The following DHRS13 variants were observed in gnomAD, a reference collection of about 807,000 sequenced individuals.
The protein encoded by DHRS13 is dehydrogenase/reductase 13.
A neutral mutation model predicts 17.9 loss-of-function variants in DHRS13; 22 were observed. The observed-to-expected ratio is 1.23, with a 90% CI of 0.88 to 1.75. The LOEUF is 1.75. Among genes scored for constraint, DHRS13 ranks in the 40% most tolerant of loss-of-function variants. The pLI, the probability that DHRS13 is intolerant of heterozygous loss-of-function variation, is 0.00. For missense variants in DHRS13, 483 were observed against 519.9 expected (o/e 0.93, Z 0.69); for synonymous variants, 206 against 220.4 (o/e 0.93, Z 0.58).
In DHRS13 at chr17:28,902,718, G is replaced by A; in HGVS notation, c.128-17C>T. On this transcript the variant is annotated splice_polypyrimidine_tract_variant and intron_variant, in intron 1 of 4. Coordinates refer to ENST00000378895, the MANE Select transcript of DHRS13 (RefSeq NM_144683.4). The surrounding 1 kb of genome is among the most constrained non-coding windows in gnomAD (Gnocchi z 4.0). ...TGTTGGCGCCTGCGGACCGCGGGCG[G>A]GAGCCGAGCTGAGCTGAGCCCGGCG... is the stretch of plus-strand genomic sequence containing the variant. 1 of 1,354,372 alleles carries A rather than the reference G, an allele frequency of 7.4e-7. No individual in the cohort carries two copies. The highest frequency in any genetic ancestry group is 9.4e-7 in the Non-Finnish European group (1 of 1,061,954). The allele number at this position is 1,354,372 out of a possible 1,614,324, so 83.9% of individuals were successfully genotyped here.
At position 28,898,819 on chromosome 17, in the gene DHRS13, C is replaced by T. The variant is rs774938454; in HGVS notation, c.756G>A (p.Trp252Ter). The change falls in exon 5 of 5, where the codon TGG (tryptophan) becomes TGA (stop). Residue 252 changes from tryptophan (W) to a stop codon, truncating the protein, a stop_gained. Transcript: ENST00000378895. LOFTEE classifies it high-confidence loss of function. ...CCCCTCTTGGTGCCCGGAGCACCAG[C>T]CAAGCCAATGGGCGCAAAAGTGGGC... Reference protein sequence around the residue: ...WLRPLLRPLAWLVLRAPRGGA... With the variant: ...WLRPLLRPLA The T allele has an allele frequency of 1.2e-6, 2 of 1,609,736 alleles. No homozygotes were observed. Among genetic ancestry groups the T allele is most frequent in the South Asian group, 2.2e-5 (2 of 90,462 alleles).
In DHRS13 at chr17:28,898,561, G is replaced by T; in HGVS notation, c.1014C>A (p.Thr338=). The T allele has an allele frequency of 6.2e-7, 1 of 1,612,182 alleles. No homozygotes were observed. Among genetic ancestry groups the T allele is most frequent in the Non-Finnish European group, 8.5e-7 (1 of 1,179,358 alleles). The change falls in exon 5 of 5, where the codon ACC becomes ACA. Residue 338 remains threonine, a synonymous_variant. Coordinates refer to ENST00000378895, the MANE Select transcript of DHRS13 (RefSeq NM_144683.4). ...EDSEAPSSLS[T]PHPEEPTVSQ... ...AAACTGTGGGCTCCTCAGGGTGGGGGGTGCTTAGAGAAGATGGGGCCTCTG... is the reference window on the plus strand; with the variant it reads ...AAACTGTGGGCTCCTCAGGGTGGGGTGTGCTTAGAGAAGATGGGGCCTCTG...
chr17:28,901,436 G>A lies in DHRS13; in HGVS notation c.370+57C>T. On this transcript the variant is annotated intron_variant, in intron 3 of 4. Transcript: ENST00000378895. This position sits in a 1 kb window ranked among gnomAD's most constrained non-coding sequence, Gnocchi z 4.3. ...CCCAGCAGGGCCCCCGCTGGAGGGG[G>A]CAGTTGCCCCTGGCCACCCGCCACC... 1 of 1,609,990 alleles carries A rather than the reference G, an allele frequency of 6.2e-7. No homozygotes were observed. Among genetic ancestry groups the A allele is most frequent in the Non-Finnish European group, 8.5e-7 (1 of 1,178,438 alleles).
chr17:28,898,717 A>C lies in DHRS13; in HGVS notation c.858T>G (p.His286Gln). The change falls in exon 5 of 5, where the codon CAT becomes CAG. Residue 286 changes from histidine to glutamine, a missense_variant. Coordinates refer to ENST00000378895, the MANE Select transcript of DHRS13 (RefSeq NM_144683.4). Reference protein sequence around the residue: ...PLSGRYFANCHVEEVPPAARD... With the variant: ...PLSGRYFANCQVEEVPPAARD... ...GGGCAGCTGGAGGCACCTCTTCCAC[A>C]TGGCAGTTGGCAAAATATCTCCCAC... 1 of 1,613,894 alleles carries C rather than the reference A, an allele frequency of 6.2e-7. No homozygotes were observed. Among genetic ancestry groups the C allele is most frequent in the Non-Finnish European group, 8.5e-7 (1 of 1,179,928 alleles).
In DHRS13 at chr17:28,898,708, C is replaced by G; in HGVS notation, c.867G>C (p.Glu289Asp). Reference protein sequence around the residue: ...GRYFANCHVEEVPPAARDDRA... With the variant: ...GRYFANCHVEDVPPAARDDRA... ...GGTCGTCTCGGGCAGCTGGAGGCAC[C>G]TCTTCCACATGGCAGTTGGCAAAAT... The change falls in exon 5 of 5, where the codon GAG becomes GAC. Residue 289 changes from glutamate to aspartate, a missense_variant. Glu to Asp is a conservative substitution (Grantham distance 45, BLOSUM62 2). Transcript: ENST00000378895. 3 of 1,613,948 alleles carry G rather than the reference C, an allele frequency of 1.9e-6. No individual in the cohort carries two copies. The highest frequency in any genetic ancestry group is 2.5e-6 in the Non-Finnish European group (3 of 1,179,926).
In DHRS13 at chr17:28,902,786, G is replaced by C; in HGVS notation, c.127+32C>G. The stretch of plus-strand genomic sequence containing the variant: ...GCCCGGCCTCCTCTCCGCGCGCCCC[G>C]CCAGCTCGCACTCACCCGCCTCCGC... On this transcript the variant is annotated intron_variant, in intron 1 of 4. Coordinates refer to ENST00000378895, the MANE Select transcript of DHRS13 (RefSeq NM_144683.4). This position sits in a 1 kb window ranked among gnomAD's most constrained non-coding sequence, Gnocchi z 4.0. 1.3e-6 allele frequency: 2 copies of C among 1,481,836 alleles called. No homozygotes were observed. The allele number at this position is 1,481,836 out of a possible 1,614,324, so 91.8% of individuals were successfully genotyped here. A position where few individuals can be genotyped will look rare whatever the true frequency, so the allele number is the denominator to read the frequency against.
In DHRS13 at chr17:28,898,894, T is replaced by C; in HGVS notation, c.683-2A>G. 6.4e-7 allele frequency: 1 copy of C among 1,568,302 alleles called. No individual in the cohort carries two copies. The highest frequency in any genetic ancestry group is 1.2e-5 in the South Asian group (1 of 86,486). On this transcript the variant is annotated splice_acceptor_variant, in intron 4 of 4. Transcript: ENST00000378895. LOFTEE classifies it high-confidence loss of function. ...GGAACAGCTCCGAGTTCACAGGCCC[T>C]GTAGGCAGGAAGAAAGAAAGGAGTC...
chr17:28,901,084 T>C lies in DHRS13; in HGVS notation c.588A>G (p.Ala196=). 6.2e-7 allele frequency: 1 copy of C among 1,614,166 alleles called. No homozygotes were observed. ...CATTAGCCAGCTTAGTGTCAGCATA[T>C]GCCCGCAGCTCCTGCCGCCAGCCCA... The part of the protein sequence containing the change: ...PVVGWRQELR[A]YADTKLANVL... The change falls in exon 4 of 5, where the codon GCA becomes GCG. Residue 196 remains alanine, a synonymous_variant. Coordinates refer to ENST00000378895, the MANE Select transcript of DHRS13 (RefSeq NM_144683.4). The surrounding 1 kb of genome is among the most constrained non-coding windows in gnomAD (Gnocchi z 4.3).
At chr17:28,900,598 C>G (rs1285974143) in intron 4 of DHRS13, among the ~76,000 whole-genome samples, 1 of 152,202 alleles carries the variant, frequency 6.6e-6, no homozygotes, top group East Asian at 1.9e-4. Context: ...GTTTTGTTCA[C>G]TGCTATATCC....
rs781380167 is a variant in DHRS13 at position 28,900,997 on chromosome 17, G to A, written c.675C>T (p.Ala225=). ...CAAAGAACCAGACCTCACCTGGGTG[G>A]GCTGCATAGCAGGTGACGCCAGTGG... The part of the protein sequence containing the change: ...LEATGVTCYA[A]HPGPVNSELF... Residue 225 remains alanine (A), a synonymous_variant, in exon 4 of 5, where the codon GCC becomes GCT. Transcript: ENST00000378895. The A allele has an allele frequency of 1.8e-5, 29 of 1,591,972 alleles. No homozygotes were observed. The highest frequency in any genetic ancestry group is 2.4e-5 in the Non-Finnish European group (28 of 1,165,700).
At position 28,898,876 on chromosome 17, in the gene DHRS13, C is replaced by T; in HGVS notation, c.699G>A (p.Glu233=). 6.3e-7 allele frequency: 1 copy of T among 1,588,378 alleles called. No homozygotes were observed. The highest frequency in any genetic ancestry group is 8.6e-7 in the Non-Finnish European group (1 of 1,166,782). ...YAAHPGPVNS[E]LFLRHVPGWL... ...ATCCAGGAACATGGCGCAGGAACAG[C>T]TCCGAGTTCACAGGCCCTGTAGGCA... Residue 233 remains glutamate, a synonymous_variant, in exon 5 of 5, where the codon GAG becomes GAA. Transcript: ENST00000378895.
chr17:28,901,591 A>T lies in DHRS13; in HGVS notation c.272T>A (p.Phe91Tyr). Reference protein sequence around the residue: ...RQESGNNEVIFMALDLASLAS... With the variant: ...RQESGNNEVIYMALDLASLAS... ...CAGACTGGCCAAGTCCAAGGCCATG[A>T]AGATGACCTCATTGTTCCCACTCTC... is the stretch of plus-strand genomic sequence containing the variant. The change falls in exon 3 of 5, where the codon TTC becomes TAC. Residue 91 changes from phenylalanine (F) to tyrosine (Y), a missense_variant. Transcript: ENST00000378895. The surrounding 1 kb of genome is among the most constrained non-coding windows in gnomAD (Gnocchi z 4.3). 1 of 1,614,242 alleles carries T rather than the reference A, an allele frequency of 6.2e-7. No individual in the cohort carries two copies.
Position 28,901,063 on chromosome 17 carries a change from A to T in DHRS13, c.609T>A (p.Ala203=). ...ELRAYADTKL[A]NVLFARELAN... ...CGAGCTCCCGGGCAAACAGTACATT[A>T]GCCAGCTTAGTGTCAGCATATGCCC... Residue 203 remains alanine, a synonymous_variant, in exon 4 of 5, where the codon GCT becomes GCA. Coordinates refer to ENST00000378895, the MANE Select transcript of DHRS13 (RefSeq NM_144683.4). The surrounding 1 kb of genome is among the most constrained non-coding windows in gnomAD (Gnocchi z 4.3). 1 of 1,614,182 alleles carries T rather than the reference A, an allele frequency of 6.2e-7. No homozygotes were observed. The highest frequency in any genetic ancestry group is 8.5e-7 in the Non-Finnish European group (1 of 1,180,012).
In DHRS13 at chr17:28,898,545, G is replaced by T; in HGVS notation, c.1030C>A (p.Pro344Thr). 1.2e-6 allele frequency: 2 copies of T among 1,611,756 alleles called. No individual in the cohort carries two copies. The highest frequency in any genetic ancestry group is 1.7e-6 in the Non-Finnish European group (2 of 1,179,118). Residue 344 changes from proline to threonine, a missense_variant, in exon 5 of 5, where the codon CCC (proline) becomes ACC (threonine). Physicochemically the swap from Pro to Thr is conservative, Grantham distance 38. Coordinates refer to ENST00000378895, the MANE Select transcript of DHRS13 (RefSeq NM_144683.4). The part of the protein sequence containing the change: ...SSLSTPHPEE[P>T]TVSQPYPSPQ... The stretch of plus-strand genomic sequence containing the variant: ...CTGGGGTAAGGTTGAGAAACTGTGG[G>T]CTCCTCAGGGTGGGGGGTGCTTAGA...
Position 28,902,745 on chromosome 17 carries a change from G to T in DHRS13, c.128-44C>A. On this transcript the variant is annotated intron_variant, in intron 1 of 4. Transcript: ENST00000378895. This position sits in a 1 kb window ranked among gnomAD's most constrained non-coding sequence, Gnocchi z 4.0. Reference sequence around the variant, plus strand: ...AGCCGAGCTGAGCTGAGCCCGGCGGGCCGCTGCTACCGCCGGCCCGGCCTC... The same window carrying T: ...AGCCGAGCTGAGCTGAGCCCGGCGGTCCGCTGCTACCGCCGGCCCGGCCTC... The T allele has an allele frequency of 3.6e-6, 5 of 1,377,198 alleles. No individual in the cohort carries two copies. Among genetic ancestry groups the T allele is most frequent in the Non-Finnish European group, 3.7e-6 (4 of 1,075,660 alleles). 85.3% of individuals were successfully genotyped at this position (1,377,198 alleles called of 1,614,324 possible).
In DHRS13 at chr17:28,898,565, C is replaced by T; in HGVS notation, c.1010G>A (p.Ser337Asn). The T allele has an allele frequency of 6.2e-7, 1 of 1,612,182 alleles. No individual in the cohort carries two copies. The highest frequency in any genetic ancestry group is 1.3e-5 in the African/African-American group (1 of 74,862). Residue 337 changes from serine (S) to asparagine (N), a missense_variant, in exon 5 of 5, where the codon AGC becomes AAC. Coordinates refer to ENST00000378895, the MANE Select transcript of DHRS13 (RefSeq NM_144683.4). ...SEDSEAPSSLSTPHPEEPTVS... is the reference protein window; with the variant it reads ...SEDSEAPSSLNTPHPEEPTVS... ...TGTGGGCTCCTCAGGGTGGGGGGTGCTTAGAGAAGATGGGGCCTCTGAGTC... is the reference window on the plus strand; with the variant it reads ...TGTGGGCTCCTCAGGGTGGGGGGTGTTTAGAGAAGATGGGGCCTCTGAGTC...
rs1392010133 is a variant in DHRS13 at position 28,898,455 on chromosome 17, T to A, written c.1120A>T (p.Ile374Phe). 5 of 1,557,690 alleles carry A rather than the reference T, an allele frequency of 3.2e-6. No homozygotes were observed. Among genetic ancestry groups the A allele is most frequent in the Non-Finnish European group, 4.3e-6 (5 of 1,150,180 alleles). ...TGGCCTGAGGGTTAGGAGAGCTGGATCTCAGGCTCAACTTTAGCCTGAATT... is the reference window on the plus strand; with the variant it reads ...TGGCCTGAGGGTTAGGAGAGCTGGAACTCAGGCTCAACTTTAGCCTGAATT... ...HRIQAKVEPE[I>F]QLS is the part of the protein sequence containing the mutation. The change falls in exon 5 of 5, where the codon ATC (isoleucine) becomes TTC (phenylalanine). Residue 374 changes from isoleucine (I) to phenylalanine (F), a missense_variant. Transcript: ENST00000378895.
Position 28,902,775 on chromosome 17 carries a change from C to T in DHRS13, c.127+43G>A. On this transcript the variant is annotated intron_variant, in intron 1 of 4. Coordinates refer to ENST00000378895, the MANE Select transcript of DHRS13 (RefSeq NM_144683.4). The surrounding 1 kb of genome is among the most constrained non-coding windows in gnomAD (Gnocchi z 4.0). Reference sequence around the variant, plus strand: ...TGCTACCGCCGGCCCGGCCTCCTCTCCGCGCGCCCCGCCAGCTCGCACTCA... The same window carrying T: ...TGCTACCGCCGGCCCGGCCTCCTCTTCGCGCGCCCCGCCAGCTCGCACTCA... 2.8e-6 allele frequency: 4 copies of T among 1,453,428 alleles called. No homozygotes were observed. The highest frequency in any genetic ancestry group is 3.6e-6 in the Non-Finnish European group (4 of 1,109,058). 90.0% of individuals were successfully genotyped at this position (1,453,428 alleles called of 1,614,324 possible).
At position 28,901,240 on chromosome 17, in the gene DHRS13, G is replaced by A. The variant is rs199664494; in HGVS notation, c.432C>T (p.Ile144=). ...GCAGATGTGTCAGCAGAAAGGGACC[G>A]ATATGGTTCACCCGAAGCAGCAGGT... ...AFNLLLRVNH[I]GPFLLTHLLL... The change falls in exon 4 of 5, where the codon ATC becomes ATT. Residue 144 remains isoleucine (I), a synonymous_variant. Coordinates refer to ENST00000378895, the MANE Select transcript of DHRS13 (RefSeq NM_144683.4). This position sits in a 1 kb window ranked among gnomAD's most constrained non-coding sequence, Gnocchi z 4.3. 13 of 1,614,154 alleles carry A rather than the reference G, an allele frequency of 8.1e-6. No homozygotes were observed. The highest frequency in any genetic ancestry group is 5.0e-5 in the Admixed American group (3 of 60,014).
Sources: gnomAD v4.1 joint callset for allele counts (sites outside exome capture counted in the v4.1 genomes callset) on GRCh38, gnomAD v4.1.1 for gene constraint, Gnocchi (gnomAD v3.1) non-coding constraint, MANE v1.5 for transcripts, NCBI Gene and HGNC (gene_info 2026-07-23, HGNC 2026-07-21) for gene names.